Variants in COL25A1 observed in about 807,000 individuals in gnomAD.
The protein encoded by COL25A1 is collagen alpha-1(XXV) chain.
A neutral mutation model predicts 128.4 loss-of-function variants in COL25A1; 103 were observed. That is an observed-to-expected ratio of 0.80 (90% CI 0.68 to 0.94). The LOEUF is 0.94. Among genes scored for constraint, COL25A1 ranks in the 40% least tolerant of loss-of-function variants. COL25A1 has a pLI of 0.00. For missense variants in COL25A1, 745 were observed against 840.0 expected (o/e 0.89, Z 1.40); for synonymous variants, 279 against 277.2 (o/e 1.01, Z -0.06).
In COL25A1 at chr4:108,841,685, G is replaced by T; in HGVS notation, c.1656+10C>A. On this transcript the variant is annotated intron_variant, in intron 31 of 37. Transcript: ENST00000399132. Reference sequence around the variant, plus strand: ...CAGAAATCAAATAATCAAGGGATTTGTTGGATTACCTTTGGTCCAGGAAGT... The same window carrying T: ...CAGAAATCAAATAATCAAGGGATTTTTTGGATTACCTTTGGTCCAGGAAGT... The T allele has an allele frequency of 6.2e-7, 1 of 1,609,030 alleles. No homozygotes were observed. Among genetic ancestry groups the T allele is most frequent in the Non-Finnish European group, 8.5e-7 (1 of 1,175,552 alleles).
intron 17 of COL25A1, 80 bp downstream of exon 17, chr4:108,889,621 A>G: frequency 1.6e-6 from 2 of 1,271,244 alleles, no homozygotes; most frequent in Non-Finnish European, 2.3e-6. Flanking sequence ...CAAAGTTGCT[A>G]AAAAGGGAGA....
intron 8 of COL25A1, 110 bp from the exon 9 acceptor site, chr4:108,941,547 T>C (rs1046797490): frequency 6.7e-6 from 5 of 751,392 alleles, no homozygotes; most frequent in East Asian, 2.6e-5. Flanking sequence ...AGACTTATAA[T>C]GATTATTAAA....
At chr4:109,131,304 T>C (rs1008090881) in intron 3 of COL25A1, among the ~76,000 whole-genome samples, 1 of 149,764 alleles carries the variant, frequency 6.7e-6, no homozygotes, top group Non-Finnish European at 1.5e-5. Flanking sequence ...CTTTTAAAAG[T>C]GTGACTATTA....
intron 11 of COL25A1, among the ~76,000 whole-genome samples, chr4:108,926,252 T>C (rs544158865): frequency 2.0e-5 from 3 of 152,246 alleles, no homozygotes; most frequent in South Asian, 2.1e-4. Context: ...GGAAATGATG[T>C]AGGGGGCGGA....
At chr4:109,209,412 T>C (rs1163211994) in intron 3 of COL25A1, among the ~76,000 whole-genome samples, 1 of 152,064 alleles carries the variant, frequency 6.6e-6, no homozygotes, top group African/African-American at 2.4e-5. Flanking sequence ...TGAAATATCA[T>C]CCAAATCAAT....
chr4:109,272,379 C>T (rs781350478), intron 3 of COL25A1, among the ~76,000 whole-genome samples: 1 of 152,024 alleles, frequency 6.6e-6, no homozygotes, highest in African/African-American at 2.4e-5. Context: ...CTAAATATAC[C>T]AACTTGTTAC....
intron 3 of COL25A1, among the ~76,000 whole-genome samples, chr4:109,085,821 A>G (rs528997990): frequency 3.7e-4 from 57 of 152,352 alleles, no homozygotes; most frequent in African/African-American, 1.3e-3. Flanking sequence ...CTAGCCCATA[A>G]AAGTGCTCAA....
At chr4:109,185,355 C>T (rs1775037700) in intron 3 of COL25A1, among the ~76,000 whole-genome samples, 1 of 152,178 alleles carries the variant, frequency 6.6e-6, no homozygotes, top group South Asian at 2.1e-4. Context: ...TATGCAATAG[C>T]TGAAGCATTA....
chr4:108,980,451 T>G (rs1752860191), intron 6 of COL25A1, among the ~76,000 whole-genome samples: 1 of 152,256 alleles, frequency 6.6e-6, no homozygotes, highest in Non-Finnish European at 1.5e-5. Flanking sequence ...TGGCCTAAGC[T>G]GGTTCAACGT....
chr4:109,070,234 C>A (rs549450573), intron 3 of COL25A1, among the ~76,000 whole-genome samples: 1 of 150,566 alleles, frequency 6.6e-6, no homozygotes, highest in Non-Finnish European at 1.5e-5. Context: ...GGAGACAGAG[C>A]GAGACTCTGT....
chr4:108,928,986 T>G (rs1746412226), intron 11 of COL25A1, among the ~76,000 whole-genome samples: 1 of 152,266 alleles, frequency 6.6e-6, no homozygotes, highest in African/African-American at 2.4e-5. Flanking sequence ...TTTGTAACCT[T>G]GGCTGTTTCC....
intron 6 of COL25A1, among the ~76,000 whole-genome samples, chr4:108,983,736 C>T (rs558807591): frequency 6.6e-6 from 1 of 152,068 alleles, no homozygotes; most frequent in Admixed American, 6.5e-5. Flanking sequence ...TGTTACAGCT[C>T]TTAAGGCGGT....
intron 3 of COL25A1, among the ~76,000 whole-genome samples, chr4:109,260,472 T>A (rs1012757206): frequency 6.6e-6 from 1 of 152,128 alleles, no homozygotes; most frequent in Admixed American, 6.5e-5. Flanking sequence ...ACTGTTTGTT[T>A]GGGATTTGTT....
intron 8 of COL25A1, among the ~76,000 whole-genome samples, chr4:108,949,536 T>C (rs1489629428): frequency 2.0e-5 from 3 of 149,888 alleles, no homozygotes; most frequent in South Asian, 2.1e-4. Flanking sequence ...CATAAATTTT[T>C]CTTTTTTTTT....
chr4:109,055,257 A>G (rs2125951832), intron 3 of COL25A1, among the ~76,000 whole-genome samples: 1 of 152,356 alleles, frequency 6.6e-6, no homozygotes, highest in South Asian at 2.1e-4. Flanking sequence ...CTGTACTACA[A>G]CAGACCCATG....
At chr4:109,253,898 T>C (rs752809257) in intron 3 of COL25A1, among the ~76,000 whole-genome samples, 32 of 152,016 alleles carry the variant, frequency 2.1e-4, no homozygotes, top group East Asian at 1.5e-3. Context: ...CCATCCTGGC[T>C]AACACGGTGA....
In COL25A1 at chr4:109,300,648, G is replaced by A; in HGVS notation, c.302C>T (p.Ser101Phe). The change falls in exon 3 of 38, where the codon TCC becomes TTC. Residue 101 changes from serine to phenylalanine, a missense_variant. Ser to Phe is a radical substitution (Grantham distance 155). Coordinates refer to ENST00000399132, the MANE Select transcript of COL25A1 (RefSeq NM_198721.4). ...TCTTATTTTAGCCATATGTTCATAGGATTTCTGTAGGAAAAGAAGAGTTAT... is the reference window on the plus strand; with the variant it reads ...TCTTATTTTAGCCATATGTTCATAGAATTTCTGTAGGAAAAGAAGAGTTAT... ...EKVERLLAQK[S>F]YEHMAKIRIA... The A allele has an allele frequency of 1.2e-6, 2 of 1,606,092 alleles. No individual in the cohort carries two copies. The highest frequency in any genetic ancestry group is 1.7e-6 in the Non-Finnish European group (2 of 1,172,752).
intron 6 of COL25A1, among the ~76,000 whole-genome samples, chr4:108,984,578 G>A (rs1753444689): frequency 6.6e-6 from 1 of 152,240 alleles, no homozygotes. Context: ...ATTGAGCACA[G>A]CAGCTGCTGG....
At chr4:108,837,101 C>T (rs1733901745) in intron 31 of COL25A1, among the ~76,000 whole-genome samples, 1 of 151,956 alleles carries the variant, frequency 6.6e-6, no homozygotes, top group Admixed American at 6.6e-5. Context: ...ATAAAATAAA[C>T]CTATATTTTA....
Sources: gnomAD v4.1 joint callset for allele counts (sites outside exome capture counted in the v4.1 genomes callset) on GRCh38, gnomAD v4.1.1 for gene constraint, MANE v1.5 for transcripts, NCBI Gene and HGNC (gene_info 2026-07-23, HGNC 2026-07-21) for gene names.